SLC35F5: variants seen among roughly 807,000 people sequenced by gnomAD.
SLC35F5 encodes HCV NS5A-transactivated protein 3.
A neutral mutation model predicts 68.6 loss-of-function variants in SLC35F5; 54 were observed. The observed-to-expected ratio is 0.79, with a 90% CI of 0.63 to 0.99. The LOEUF (loss-of-function observed/expected upper bound fraction) is 0.99. Among genes scored for constraint, SLC35F5 ranks in the 50% least tolerant of loss-of-function variants. The pLI, the probability that SLC35F5 is intolerant of heterozygous loss-of-function variation, is 0.00. For synonymous variants in SLC35F5, 211 were observed against 205.2 expected (o/e 1.03, Z -0.24); for missense variants, 567 against 626.9 (o/e 0.90, Z 1.02).
At chr2:113,717,103 A>G (rs1687211173) in intron 15 of SLC35F5, among the ~76,000 whole-genome samples, 1 of 152,236 alleles carries the variant, frequency 6.6e-6, no homozygotes, top group Non-Finnish European at 1.5e-5. Context: ...GTACCTGCAA[A>G]ATCTGTACGT....
intron 3 of SLC35F5, among the ~76,000 whole-genome samples, chr2:113,753,724 T>C (rs993401827): frequency 2.0e-5 from 3 of 152,170 alleles, no homozygotes; most frequent in Non-Finnish European, 4.4e-5. Flanking sequence ...CAACAAATTG[T>C]TTTTTCCTTT....
intron 9 of SLC35F5, chr2:113,733,413 G>A (rs1268866966): frequency 3.0e-6 from 1 of 334,148 alleles, no homozygotes. Context: ...TCTTTATTAA[G>A]ATAACATGAA....
chr2:113,738,754 C>T (rs1247890579), intron 7 of SLC35F5, among the ~76,000 whole-genome samples: 4 of 151,802 alleles, frequency 2.6e-5, no homozygotes, highest in African/African-American at 4.8e-5. Context: ...CTGTCCAGTA[C>T]ATTAGACACT....
intron 1 of SLC35F5, 60 bp from the exon 2 acceptor site, chr2:113,755,604 A>C (rs1206124117): frequency 8.2e-6 from 12 of 1,468,146 alleles, no homozygotes. Context: ...AAGATTCATC[A>C]CATCGTTTTT....
chr2:113,723,238 C>CAAA (rs397800760), intron 12 of SLC35F5, 44 bp from the exon 13 acceptor site: 1 of 1,417,954 alleles, frequency 7.1e-7, no homozygotes, highest in Non-Finnish European at 9.5e-7. Context: ...AAAAATTAAA[C>CAAA]CAAAGAAAAA....
chr2:113,717,598 A>C (rs1687227567), intron 15 of SLC35F5, 155 bp downstream of exon 15: 1 of 520,432 alleles, frequency 1.9e-6, no homozygotes, highest in Admixed American at 3.7e-5. Context: ...CCACACAGCT[A>C]GTATGTGGAG....
At chr2:113,738,889 A>AT (rs913259865) in intron 7 of SLC35F5, among the ~76,000 whole-genome samples, 1 of 152,138 alleles carries the variant, frequency 6.6e-6, no homozygotes, top group African/African-American at 2.4e-5. Flanking sequence ...CTCATCAATA[A>AT]TTTTTACATC....
intron 15 of SLC35F5, 197 bp downstream of exon 15, chr2:113,717,556 G>A: frequency 2.6e-6 from 1 of 385,944 alleles, no homozygotes; most frequent in Admixed American, 4.2e-5. Context: ...AAGAAAGCTG[G>A]AGCATCAAGA....
rs916547523 is a variant in SLC35F5 at position 113,712,947 on chromosome 2, C to A, written c.*2271G>T. On this transcript the variant is annotated 3_prime_UTR_variant, in exon 16 of 16. Coordinates refer to ENST00000245680, the MANE Select transcript of SLC35F5 (RefSeq NM_025181.5). ...CAATGTGCTCATTGTGATCCAAGGG[C>A]CTTGTTACCTAGTTTCTAGGTGATC... 2.6e-5 allele frequency: 4 copies of A among 152,126 alleles called. No individual in the cohort carries two copies. Among genetic ancestry groups the A allele is most frequent in the Admixed American group, 1.3e-4 (2 of 15,260 alleles). 9.4% of individuals were successfully genotyped at this position (152,126 alleles called of 1,614,324 possible).
intron 5 of SLC35F5, among the ~76,000 whole-genome samples, chr2:113,745,404 A>G (rs1676447312): frequency 6.6e-6 from 1 of 152,234 alleles, no homozygotes; most frequent in Admixed American, 6.5e-5. Context: ...ATTAAATTTT[A>G]GAGTAACTAA....
chr2:113,709,092 C>T lies in SLC35F5; in HGVS notation c.*6126G>A, dbSNP rs557639689. 6.6e-6 allele frequency among the ~76,000 whole-genome samples: 1 copy of T among 152,346 alleles called. No individual in the cohort carries two copies. The highest frequency in any genetic ancestry group is 1.5e-5 in the Non-Finnish European group (1 of 68,034). ...ACAAAAGCAAAAACAAAATTACGGCCTATGTGGTGTCACTGTTATTACCAC... is the reference window on the plus strand; with the variant it reads ...ACAAAAGCAAAAACAAAATTACGGCTTATGTGGTGTCACTGTTATTACCAC... On this transcript the variant is annotated 3_prime_UTR_variant, in exon 16 of 16. Coordinates refer to ENST00000245680, the MANE Select transcript of SLC35F5 (RefSeq NM_025181.5).
intron 4 of SLC35F5, among the ~76,000 whole-genome samples, chr2:113,749,305 G>A (rs1352469573): frequency 6.6e-6 from 1 of 152,230 alleles, no homozygotes; most frequent in Non-Finnish European, 1.5e-5. Context: ...TTTGAGATCA[G>A]CCTGAGCAAC....
chr2:113,704,463 C>T (rs1238237004), downstream of SLC35F5, among the ~76,000 whole-genome samples: 5 of 152,190 alleles, frequency 3.3e-5, no homozygotes, highest in Admixed American at 6.5e-5. Context: ...CTGGGCACCG[C>T]GGAGCAGGGG....
rs1423595793 is a variant in SLC35F5, at chr2:113,729,400, C to A, written c.1090+1G>T. On this transcript the variant is annotated splice_donor_variant, in intron 11 of 15. Transcript: ENST00000245680. LOFTEE classifies it high-confidence loss of function. ...GCCTCCCAAGTTACATATATTCTTA[C>A]CAAAGAACATTGGAATATCCAACTT... is the stretch of plus-strand genomic sequence containing the variant. 2.8e-6 allele frequency: 4 copies of A among 1,439,750 alleles called. No homozygotes were observed. Among genetic ancestry groups the A allele is most frequent in the Non-Finnish European group, 3.9e-6 (4 of 1,036,120 alleles). The allele number at this position is 1,439,750 out of a possible 1,614,324, so 89.2% of individuals were successfully genotyped here.
At chr2:113,725,895 A>G (rs1315593748) in intron 11 of SLC35F5, 1 of 156,330 alleles carries the variant, frequency 6.4e-6, no homozygotes, top group East Asian at 1.8e-4. Context: ...TTGTGTACTC[A>G]GCCTAAATTA....
At position 113,756,564 on chromosome 2, in the gene SLC35F5, C is replaced by CA. The variant is rs1196423494; in HGVS notation, c.-156dup. 6.8e-7 allele frequency: 1 copy of CA among 1,461,930 alleles called. No homozygotes were observed. The highest frequency in any genetic ancestry group is 1.4e-5 in the African/African-American group (1 of 70,290). The allele number at this position is 1,461,930 out of a possible 1,614,324, so 90.6% of individuals were successfully genotyped here. On this transcript the variant is annotated 5_prime_UTR_variant, in exon 1 of 16. Transcript: ENST00000245680. ...AGAGGCTCCCGACACCACCCAACTC[C>CA]ACTCGGCCCAGGAGGGCGTGGAGCG...
At position 113,712,109 on chromosome 2, in the gene SLC35F5, C is replaced by T. The variant is rs1687006486; in HGVS notation, c.*3109G>A. ...ACCTTTGAGAACATTCACATTTAAC[C>T]TTGTGAGCTCACTTCTACAAGAACA... On this transcript the variant is annotated 3_prime_UTR_variant, in exon 16 of 16. Coordinates refer to ENST00000245680, the MANE Select transcript of SLC35F5 (RefSeq NM_025181.5). 2.0e-5 allele frequency among the ~76,000 whole-genome samples: 3 copies of T among 152,168 alleles called. No homozygotes were observed. The South Asian group carries it at 6.2e-4, about 31-fold the overall frequency.
chr2:113,729,588 A>G (rs757963920), intron 10 of SLC35F5, 83 bp from the exon 11 acceptor site: 38 of 726,788 alleles, frequency 5.2e-5, no homozygotes, highest in Non-Finnish European at 6.7e-5. Context: ...GTCAGATAAT[A>G]TTGCAAGAAT....
rs769377026 is a variant in SLC35F5, at chr2:113,743,712, C to T, written c.562+1G>A. ...TCTACCCATTTCCAAGTTTTGCTTACTTTTTTCAGTATCAATGTTTGTGCT... is the reference window on the plus strand; with the variant it reads ...TCTACCCATTTCCAAGTTTTGCTTATTTTTTTCAGTATCAATGTTTGTGCT... On this transcript the variant is annotated splice_donor_variant, in intron 6 of 15. Coordinates refer to ENST00000245680, the MANE Select transcript of SLC35F5 (RefSeq NM_025181.5). LOFTEE classifies it high-confidence loss of function. The T allele has an allele frequency of 4.0e-5, 65 of 1,608,946 alleles. No individual in the cohort carries two copies. Among genetic ancestry groups the T allele is most frequent in the African/African-American group, 5.4e-5 (4 of 74,760 alleles).
Sources: gnomAD v4.1 joint callset for allele counts (sites outside exome capture counted in the v4.1 genomes callset) on GRCh38, gnomAD v4.1.1 for gene constraint, MANE v1.5 for transcripts, NCBI Gene and HGNC (gene_info 2026-07-23, HGNC 2026-07-21) for gene names.